Variants in CCDC88A observed in about 807,000 individuals in gnomAD.
CCDC88A encodes the protein coiled-coil and HOOK domain protein 88A, also known as girdin.
CCDC88A carries 54 observed loss-of-function variants against 234.3 expected under a neutral mutation model. That is an observed-to-expected ratio of 0.23 (90% CI 0.19 to 0.29). The LOEUF (loss-of-function observed/expected upper bound fraction) is 0.29, where lower values mean the gene tolerates loss of function less well. Among genes scored for constraint, CCDC88A ranks in the 10% least tolerant of loss-of-function variants. CCDC88A has a pLI of 1.00. For synonymous variants in CCDC88A, 753 were observed against 737.8 expected, an observed-to-expected ratio of 1.02 and a Z score of -0.33; for missense variants, 1,832 against 2,123.4, an observed-to-expected ratio of 0.86 and a Z score of 2.70.
rs368340220 is a variant in CCDC88A, at chr2:55,317,871, A to C, written c.3325-30T>G. 385 of 1,427,450 alleles carry C rather than the reference A, an allele frequency of 2.7e-4. No homozygotes were observed. Among genetic ancestry groups the C allele is most frequent in the Non-Finnish European group, 3.6e-4 (374 of 1,049,850 alleles). The allele number at this position is 1,427,450 out of a possible 1,614,324, so 88.4% of individuals were successfully genotyped here. ...AAGAATATATATTGTTATCAGACAT[A>C]AGAAAAACAGTTCATGTTCTTTTTC... On this transcript the variant is annotated intron_variant, in intron 19 of 32. Transcript: ENST00000436346. The surrounding 1 kb of genome is among the most constrained non-coding windows in gnomAD (Gnocchi z 4.2).
In CCDC88A at chr2:55,419,487, G is replaced by C; in HGVS notation, c.-408C>G. The C allele has an allele frequency of 5.4e-6, 1 of 184,542 alleles. No homozygotes were observed. Among genetic ancestry groups the C allele is most frequent in the Non-Finnish European group, 1.1e-5 (1 of 87,710 alleles). 11.4% of individuals were successfully genotyped at this position (184,542 alleles called of 1,614,324 possible). The stretch of plus-strand genomic sequence containing the variant: ...TCCCAACGGGGGCTAAATGAAATAC[G>C]TTAAACAGAGACCACGTTAAGGATA... On this transcript the variant is annotated 5_prime_UTR_variant, in exon 1 of 33. Transcript: ENST00000436346.
chr2:55,388,271 T>C (rs1200475482), intron 3 of CCDC88A, among the ~76,000 whole-genome samples: 3 of 152,120 alleles, frequency 2.0e-5, no homozygotes, highest in Non-Finnish European at 4.4e-5. Context: ...TCTAAGTAAC[T>C]CGTAAGTGAA....
intron 9 of CCDC88A, 171 bp downstream of exon 9, chr2:55,349,347 G>A: frequency 1.7e-6 from 1 of 582,712 alleles, no homozygotes; most frequent in African/African-American, 1.9e-5. Context: ...AGAAAGTTTG[G>A]CTCTGACATT....
At chr2:55,321,729 A>G (rs1262361137) in intron 18 of CCDC88A, among the ~76,000 whole-genome samples, 1 of 152,180 alleles carries the variant, frequency 6.6e-6, no homozygotes, top group African/African-American at 2.4e-5. Flanking sequence ...AATTTTGTAT[A>G]GCATGATCCC....
In CCDC88A at chr2:55,388,832, T is replaced by G; in HGVS notation, c.219A>C (p.Ser73=). The G allele has an allele frequency of 6.5e-7, 1 of 1,545,874 alleles. No homozygotes were observed. Among genetic ancestry groups the G allele is most frequent in the South Asian group, 1.2e-5 (1 of 84,690 alleles). ...AAATGGATAGATTGTGCATTCTAAG[T>G]GAGGCATCATTATTGACTTTTTTAT... is the stretch of plus-strand genomic sequence containing the variant. The part of the protein sequence containing the change: ...RVNKKVNNDA[S]LRMHNLSILV... The change falls in exon 3 of 33, where the codon TCA becomes TCC. Residue 73 remains serine, a synonymous_variant. Transcript: ENST00000436346.
chr2:55,375,509 ATATGTATGTATG>A (rs3060117), intron 3 of CCDC88A, among the ~76,000 whole-genome samples: 4 of 15,604 alleles, frequency 2.6e-4, no homozygotes, highest in Middle Eastern at 0.056. Flanking sequence ...ATATATATAT[ATATGTATGTATG>A]TATAAATATG....
intron 2 of CCDC88A, among the ~76,000 whole-genome samples, chr2:55,397,046 T>C (rs571471145): frequency 6.6e-6 from 1 of 152,206 alleles, no homozygotes; most frequent in East Asian, 1.9e-4. Flanking sequence ...TGTGGTGATA[T>C]TTTATTATAA....
At chr2:55,319,972 A>C (rs1263099401) in intron 18 of CCDC88A, among the ~76,000 whole-genome samples, 1 of 152,148 alleles carries the variant, frequency 6.6e-6, no homozygotes, top group Non-Finnish European at 1.5e-5. Context: ...CATTAATTTT[A>C]TTGGCTTTAT....
At chr2:55,359,341 T>C (rs1210158038) in intron 7 of CCDC88A, among the ~76,000 whole-genome samples, 1 of 151,990 alleles carries the variant, frequency 6.6e-6, no homozygotes, top group Non-Finnish European at 1.5e-5. Context: ...TAGAAGTCAA[T>C]GAACTACATA....
At chr2:55,301,595 C>T in intron 27 of CCDC88A, 1 of 520,972 alleles carries the variant, frequency 1.9e-6, no homozygotes, top group South Asian at 2.6e-5. Flanking sequence ...AGAAAACTAG[C>T]ATTGCCTTCT....
chr2:55,362,335 A>G lies in CCDC88A; in HGVS notation c.600T>C (p.Leu200=), dbSNP rs1286240726. The G allele has an allele frequency of 1.3e-6, 2 of 1,591,964 alleles. No homozygotes were observed. Among genetic ancestry groups the G allele is most frequent in the Non-Finnish European group, 8.5e-7 (1 of 1,171,610 alleles). ...CTGAATGTTCATCTCTCTCATCTAT[A>G]AGTCTTTTTAGATGCAATGCCATAT... is the stretch of plus-strand genomic sequence containing the variant. The part of the protein sequence containing the change: ...LKNMALHLKR[L]IDERDEHSET... The change falls in exon 7 of 33, where the codon CTT becomes CTC. Residue 200 remains leucine (L), a synonymous_variant. Coordinates refer to ENST00000436346, the MANE Select transcript of CCDC88A (RefSeq NM_001365480.1).
At chr2:55,359,239 T>C (rs1421825323) in intron 7 of CCDC88A, among the ~76,000 whole-genome samples, 1 of 152,040 alleles carries the variant, frequency 6.6e-6, no homozygotes, top group East Asian at 1.9e-4. Context: ...AATTAAGCAA[T>C]TCACAAAATT....
chr2:55,387,779 C>CAAAAAAAAAAAAAAAAAAAAAAAAAA (rs66479611), intron 3 of CCDC88A, among the ~76,000 whole-genome samples: 4 of 64,832 alleles, frequency 6.2e-5, no homozygotes, highest in Admixed American at 2.0e-4. Flanking sequence ...GGCTCCATCT[C>CAAAAAAAAAAAAAAAAAAAAAAAAAA]AAAAAAAAAA....
At chr2:55,303,034 C>G (rs1240452970) in intron 26 of CCDC88A, 35 bp downstream of exon 26, 1 of 1,261,550 alleles carries the variant, frequency 7.9e-7, no homozygotes, top group African/African-American at 1.5e-5. Context: ...CCAGTGTAGT[C>G]AGTTGAAAGA....
At position 55,334,919 on chromosome 2, in the gene CCDC88A, C is replaced by G. The variant is rs774059895; in HGVS notation, c.1902G>C (p.Leu634Phe). Reference protein sequence around the residue: ...GERAEELENELHHLEKENELL... With the variant: ...GERAEELENEFHHLEKENELL... ...ATTCATTTTCTTTTTCAAGATGATG[C>G]AATTCATTTTCAAGTTCTTCAGCTC... The change falls in exon 15 of 33, where the codon TTG becomes TTC. Residue 634 changes from leucine (L) to phenylalanine (F), a missense_variant. Coordinates refer to ENST00000436346, the MANE Select transcript of CCDC88A (RefSeq NM_001365480.1). This position sits in a 1 kb window ranked among gnomAD's most constrained non-coding sequence, Gnocchi z 6.1. 8.6e-6 allele frequency: 13 copies of G among 1,517,718 alleles called. No individual in the cohort carries two copies. The highest frequency in any genetic ancestry group is 1.2e-5 in the Non-Finnish European group (13 of 1,118,736). The allele number at this position is 1,517,718 out of a possible 1,614,324, so 94.0% of individuals were successfully genotyped here.
intron 3 of CCDC88A, among the ~76,000 whole-genome samples, chr2:55,380,231 A>C (rs1320320306): frequency 6.6e-6 from 1 of 151,996 alleles, no homozygotes; most frequent in Non-Finnish European, 1.5e-5. Flanking sequence ...GCGAGACTCC[A>C]TCTCAAAAAT....
chr2:55,419,136 G>T lies in CCDC88A; in HGVS notation c.-57C>A, dbSNP rs1242122804. ...ACCACAAAAATACGCCTAGGGAATT[G>T]GTCACTAAACGTGGAAGTAAGTAGA... is the stretch of plus-strand genomic sequence containing the variant. On this transcript the variant is annotated 5_prime_UTR_variant, in exon 1 of 33. Transcript: ENST00000436346. 2.9e-6 allele frequency: 3 copies of T among 1,035,080 alleles called. No individual in the cohort carries two copies. Among genetic ancestry groups the T allele is most frequent in the African/African-American group, 1.6e-5 (1 of 62,378 alleles). 64.1% of individuals were successfully genotyped at this position (1,035,080 alleles called of 1,614,324 possible).
At chr2:55,296,086 G>C (rs1679995015) in intron 30 of CCDC88A, 30 bp from the exon 31 acceptor site, 1 of 1,487,712 alleles carries the variant, frequency 6.7e-7, no homozygotes, top group Non-Finnish European at 9.1e-7. Context: ...AAGCAGATTA[G>C]TGAATATAGT....
intron 31 of CCDC88A, chr2:55,294,336 T>C: frequency 1.0e-6 from 1 of 983,838 alleles, no homozygotes; most frequent in African/African-American, 1.7e-5. Flanking sequence ...AAACAATAAA[T>C]ACAAATGTTC....
Sources: allele counts gnomAD v4.1 joint callset (sites outside exome capture counted in the v4.1 genomes callset), GRCh38; gene constraint gnomAD v4.1.1; non-coding constraint Gnocchi (gnomAD v3.1); transcripts MANE v1.5; gene names NCBI Gene and HGNC (gene_info 2026-07-23, HGNC 2026-07-21).